SLC9A9: variants seen among roughly 807,000 people sequenced by gnomAD.
SLC9A9 encodes the protein sodium/hydrogen exchanger 9.
Under a neutral mutation model 77.8 loss-of-function variants are expected in SLC9A9, and 62 were observed. The observed-to-expected ratio is 0.80, with a 90% CI of 0.65 to 0.98. The LOEUF is 0.98. Ranked by LOEUF, SLC9A9 falls within the 50% of genes least tolerant of loss-of-function variation. The pLI is 0.00. For synonymous variants in SLC9A9, 320 were observed against 283.5 expected (o/e 1.13, Z -1.29); for missense variants, 775 against 774.9 (o/e 1.00, Z 0.00).
chr3:143,418,297 G>A (rs946900795), intron 12 of SLC9A9, among the ~76,000 whole-genome samples: 7 of 150,792 alleles, frequency 4.6e-5, no homozygotes, highest in Admixed American at 2.0e-4. Context: ...TGTGGGGACA[G>A]TAATATTATC....
chr3:143,607,902 T>C (rs2037954192), intron 6 of SLC9A9, among the ~76,000 whole-genome samples: 1 of 152,040 alleles, frequency 6.6e-6, no homozygotes, highest in Admixed American at 6.6e-5. Flanking sequence ...TATTTTTAAC[T>C]TATATATGTA....
rs149392010 is a variant in SLC9A9, at chr3:143,556,205, T to C, written c.1001-3755A>G. Among the ~76,000 whole-genome samples, 912 of 152,352 alleles carry C rather than the reference T, an allele frequency of 6.0e-3. 5 individuals carry two copies. Among genetic ancestry groups the C allele is most frequent in the Non-Finnish European group, 8.8e-3 (596 of 68,028 alleles). ...TGAAGCTGTTATGTGAGGTCCTAGA[T>C]AGTTCTCTTAAACTCTATGAACCTC... On this transcript the variant is annotated intron_variant, in intron 8 of 15. Transcript: ENST00000316549.
chr3:143,673,901 G>A (rs553426837), intron 5 of SLC9A9, among the ~76,000 whole-genome samples: 3 of 151,850 alleles, frequency 2.0e-5, no homozygotes, highest in Non-Finnish European at 2.9e-5. Context: ...GATTTACCGT[G>A]GAAGTGGATG....
chr3:143,453,128 G>A lies in SLC9A9; in HGVS notation c.1469+13909C>T, dbSNP rs547220812. 2.6e-5 allele frequency among the ~76,000 whole-genome samples: 4 copies of A among 152,038 alleles called. No individual in the cohort carries two copies. The East Asian group carries it at 7.7e-4, about 29-fold the overall frequency. On this transcript the variant is annotated intron_variant, in intron 12 of 15. Coordinates refer to ENST00000316549, the MANE Select transcript of SLC9A9 (RefSeq NM_173653.4). The stretch of plus-strand genomic sequence containing the variant: ...TATTAGGTTGAACCATACGAAATTG[G>A]CAATACTTGACCATTTTTTAGCTAC...
At chr3:143,511,173 G>A (rs905477082) in intron 9 of SLC9A9, among the ~76,000 whole-genome samples, 3 of 152,158 alleles carry the variant, frequency 2.0e-5, no homozygotes, top group African/African-American at 7.2e-5. Context: ...CAGTGGGGGT[G>A]GGCGGATGAT....
intron 12 of SLC9A9, among the ~76,000 whole-genome samples, chr3:143,385,082 A>G (rs2033393505): frequency 6.6e-6 from 1 of 152,154 alleles, no homozygotes; most frequent in East Asian, 1.9e-4. Context: ...GCTTCTTTAT[A>G]ATGATTTCCA....
chr3:143,762,874 A>T (rs2007181693), intron 4 of SLC9A9, among the ~76,000 whole-genome samples: 1 of 152,154 alleles, frequency 6.6e-6, no homozygotes, highest in Non-Finnish European at 1.5e-5. Context: ...CAGGTTTCAT[A>T]ACCTTAGAAG....
rs937666343 is a variant in SLC9A9, at chr3:143,848,195, T to C, written c.128A>G (p.Asn43Ser). ...LTILTIWLFKNHRFRFLHETG... is the reference protein window; with the variant it reads ...LTILTIWLFKSHRFRFLHETG... ...TTCATGCAAGAAGCGGAATCGATGA[T>C]TTTTAAATAACCAGATTGTCAAAAT... The change falls in exon 1 of 16, where the codon AAT becomes AGT. Residue 43 changes from asparagine to serine, a missense_variant. Asn to Ser is a conservative substitution (Grantham distance 46, BLOSUM62 1). Transcript: ENST00000316549. The C allele has an allele frequency of 1.5e-5, 25 of 1,613,900 alleles. No homozygotes were observed. Among genetic ancestry groups the C allele is most frequent in the Non-Finnish European group, 2.0e-5 (24 of 1,179,936 alleles).
intron 14 of SLC9A9, among the ~76,000 whole-genome samples, chr3:143,275,162 G>T (rs1224137996): frequency 6.6e-6 from 1 of 152,172 alleles, no homozygotes; most frequent in East Asian, 1.9e-4. Flanking sequence ...GGAAATAAAA[G>T]CATTGGCTTA....
intron 4 of SLC9A9, among the ~76,000 whole-genome samples, chr3:143,696,640 A>G (rs1933649745): frequency 6.6e-6 from 1 of 152,152 alleles, no homozygotes; most frequent in South Asian, 2.1e-4. Context: ...TTGAATATCA[A>G]TTGGTTCTGG....
intron 4 of SLC9A9, among the ~76,000 whole-genome samples, chr3:143,765,430 C>T (rs1372461603): frequency 6.6e-6 from 1 of 152,110 alleles, no homozygotes; most frequent in Admixed American, 6.6e-5. Flanking sequence ...ATTTCGAGTG[C>T]AGTAGGGATC....
At chr3:143,663,808 G>T (rs552857652) in intron 5 of SLC9A9, among the ~76,000 whole-genome samples, 2 of 152,112 alleles carry the variant, frequency 1.3e-5, no homozygotes, top group African/African-American at 4.8e-5. Flanking sequence ...CAAGAAATAC[G>T]GGAAACTCAT....
chr3:143,409,303 A>G (rs2034047598), intron 12 of SLC9A9, among the ~76,000 whole-genome samples: 1 of 152,204 alleles, frequency 6.6e-6, no homozygotes, highest in Non-Finnish European at 1.5e-5. Context: ...ACATGAGACA[A>G]TCGTTTTTGG....
In SLC9A9 at chr3:143,707,369, T is replaced by TACACACACACAC. The variant is rs67386185; in HGVS notation, c.534-14074_534-14063dup. ...AGTACATTTTATATATTTTAAAATC[T>TACACACACACAC]ACACACACACACACACACACACACA... On this transcript the variant is annotated intron_variant, in intron 4 of 15. Transcript: ENST00000316549. Among the ~76,000 whole-genome samples, 1,027 of 149,216 alleles carry TACACACACACAC rather than the reference T, an allele frequency of 6.9e-3. 16 individuals carry two copies. Among genetic ancestry groups the TACACACACACAC allele is most frequent in the African/African-American group, 0.024 (976 of 40,386 alleles).
chr3:143,784,139 A>G (rs750442692), intron 4 of SLC9A9, among the ~76,000 whole-genome samples: 1 of 152,224 alleles, frequency 6.6e-6, no homozygotes, highest in African/African-American at 2.4e-5. Context: ...TAAAAAGACC[A>G]ACTGAAGTGA....
At chr3:143,697,637 C>T (rs1933678032) in intron 4 of SLC9A9, among the ~76,000 whole-genome samples, 1 of 151,848 alleles carries the variant, frequency 6.6e-6, no homozygotes, top group Non-Finnish European at 1.5e-5. Context: ...ACATACTTAA[C>T]CACCAACTCT....
intron 12 of SLC9A9, among the ~76,000 whole-genome samples, chr3:143,406,380 T>C (rs1449723262): frequency 6.6e-6 from 1 of 152,012 alleles, no homozygotes; most frequent in Non-Finnish European, 1.5e-5. Context: ...ATTTTTCCTG[T>C]ATCTTTTTTT....
At chr3:143,543,888 A>G (rs1268500821) in intron 9 of SLC9A9, among the ~76,000 whole-genome samples, 9 of 152,122 alleles carry the variant, frequency 5.9e-5, no homozygotes, top group Non-Finnish European at 8.8e-5. Flanking sequence ...TTTCCTTTGG[A>G]TATATACCAA....
chr3:143,688,941 A>AT (rs1933364693), intron 5 of SLC9A9, among the ~76,000 whole-genome samples: 1 of 151,082 alleles, frequency 6.6e-6, no homozygotes, highest in Admixed American at 6.6e-5. Flanking sequence ...TAAATAGAAA[A>AT]AATATATATA....
Sources: gnomAD v4.1 joint callset for allele counts (sites outside exome capture counted in the v4.1 genomes callset) on GRCh38, gnomAD v4.1.1 for gene constraint, MANE v1.5 for transcripts, NCBI Gene and HGNC (gene_info 2026-07-23, HGNC 2026-07-21) for gene names.